Variants in CFTR observed in about 807,000 individuals in gnomAD.
The protein encoded by CFTR is cystic fibrosis transmembrane conductance regulator.
Under a neutral mutation model 171.6 loss-of-function variants are expected in CFTR, and 181 were observed. The ratio of observed to expected loss-of-function variants is 1.05; its 90% confidence interval spans 0.93 to 1.19. The LOEUF (loss-of-function observed/expected upper bound fraction) is 1.19. Ranked by LOEUF, CFTR falls within the 50% of genes most tolerant of loss-of-function variation. The probability of loss-of-function intolerance (pLI) is 0.00; values close to 1 mark genes in which losing one functional copy is unlikely to be tolerated. For missense variants in CFTR, 1,968 were observed against 1,734.7 expected (o/e 1.13, Z -2.39); for synonymous variants, 583 against 608.0 (o/e 0.96, Z 0.60).
At chr7:117,544,583 A>G (rs35250799) in intron 9 of CFTR, among the ~76,000 whole-genome samples, 13 of 152,220 alleles carry the variant, frequency 8.5e-5, no homozygotes, top group Admixed American at 8.5e-4. Context: ...CCCTTGTCTG[A>G]ACTACTCTAT....
At chr7:117,515,348 CA>C (rs1399040164) in intron 3 of CFTR, among the ~76,000 whole-genome samples, 1 of 152,190 alleles carries the variant, frequency 6.6e-6, no homozygotes, top group East Asian at 1.9e-4. Flanking sequence ...GGAAGGGGTC[CA>C]GTTTCAGTTT....
chr7:117,513,692 A>G (rs1257950558), intron 3 of CFTR, among the ~76,000 whole-genome samples: 8 of 152,192 alleles, frequency 5.3e-5, no homozygotes, highest in African/African-American at 1.9e-4. Context: ...TGATTTATGT[A>G]TATCTCTTCC....
chr7:117,615,614 G>T (rs996563804), intron 21 of CFTR, among the ~76,000 whole-genome samples: 1 of 151,514 alleles, frequency 6.6e-6, no homozygotes, highest in Admixed American at 6.6e-5. Flanking sequence ...TGTGTACAAA[G>T]ACCACATTTT....
At chr7:117,546,064 G>T (rs1054594640) in intron 9 of CFTR, among the ~76,000 whole-genome samples, 1 of 151,886 alleles carries the variant, frequency 6.6e-6, no homozygotes, top group African/African-American at 2.4e-5. Context: ...TGCGATCTTG[G>T]CTCACTGGAA....
At chr7:117,554,205 T>A (rs879348512) in intron 10 of CFTR, among the ~76,000 whole-genome samples, 13 of 152,128 alleles carry the variant, frequency 8.5e-5, no homozygotes, top group Non-Finnish European at 1.6e-4. Context: ...TAGGAGTCTA[T>A]TGTGCCAGTT....
intron 11 of CFTR, among the ~76,000 whole-genome samples, chr7:117,585,483 C>T (rs1248153937): frequency 6.6e-6 from 1 of 152,036 alleles, no homozygotes; most frequent in African/African-American, 2.4e-5. Context: ...CAATGGAAAA[C>T]TGTAATAATT....
At position 117,536,671 on chromosome 7, in the gene CFTR, A is replaced by G. The variant is rs1798963965; in HGVS notation, c.867A>G (p.Arg289=). ...TGGAAAAAATGATTGAAAACTTAAG[A>G]CAGTAAGTTGTTCCAATAATTTCAA... The part of the protein sequence containing the change: ...EAMEKMIENL[R]QTELKLTRKA... Residue 289 remains arginine (R), a splice_region_variant and synonymous_variant, in exon 7 of 27, where the codon AGA becomes AGG. Transcript: ENST00000003084. The G allele has an allele frequency of 1.2e-6, 2 of 1,609,798 alleles. No homozygotes were observed. The highest frequency in any genetic ancestry group is 1.7e-6 in the Non-Finnish European group (2 of 1,177,812).
chr7:117,491,168 C>T (rs1798154316), intron 1 of CFTR, among the ~76,000 whole-genome samples: 1 of 152,020 alleles, frequency 6.6e-6, no homozygotes, highest in African/African-American at 2.4e-5. Context: ...GCAGTTGTGA[C>T]ACAGTGGTAT....
rs754314933 is a variant in CFTR, at chr7:117,664,670, T to C, written c.3964-18T>C. 14 of 1,611,898 alleles carry C rather than the reference T, an allele frequency of 8.7e-6. No homozygotes were observed. In the South Asian group the frequency reaches 1.1e-4, roughly 13 times the overall value. On this transcript the variant is annotated intron_variant, in intron 24 of 26. Coordinates refer to ENST00000003084, the MANE Select transcript of CFTR (RefSeq NM_000492.4). ...GTTTTTAACTCTGTGGTATCTGAAC[T>C]ATCTTCTCTAACTGCAGGTTGGGCT...
At chr7:117,548,492 A>G in intron 9 of CFTR, 149 bp from the exon 10 acceptor site, 1 of 1,410,644 alleles carries the variant, frequency 7.1e-7, no homozygotes, top group Non-Finnish European at 9.5e-7. Context: ...ATTATGTACT[A>G]TAAAGTAATA....
intron 20 of CFTR, among the ~76,000 whole-genome samples, chr7:117,612,043 A>ATATATATATATATATG (rs1792412030): frequency 5.5e-5 from 4 of 72,234 alleles, no homozygotes; most frequent in Non-Finnish European, 1.1e-4. Flanking sequence ...ATATATATAT[A>ATATATATATATATATG]TATATATATA....
At chr7:117,606,519 A>G (rs1222085487) in intron 17 of CFTR, among the ~76,000 whole-genome samples, 155 bp from the exon 18 acceptor site, 1 of 152,220 alleles carries the variant, frequency 6.6e-6, no homozygotes, top group Non-Finnish European at 1.5e-5. Context: ...ATGTTTGGAA[A>G]GAAACAAAAA....
chr7:117,586,299 A>G (rs1791933141), intron 11 of CFTR: 3 of 152,142 alleles, frequency 2.0e-5, no homozygotes, highest in Non-Finnish European at 4.4e-5. Flanking sequence ...TCTCATAAGC[A>G]GTGCTTATGG....
intron 21 of CFTR, among the ~76,000 whole-genome samples, chr7:117,624,218 G>A (rs533019775): frequency 1.3e-5 from 2 of 152,146 alleles, no homozygotes; most frequent in Non-Finnish European, 2.9e-5. Context: ...TCTAAGTGGA[G>A]TTTACAGAAT....
At position 117,591,958 on chromosome 7, in the gene CFTR, C is replaced by G. The variant is rs186147668; in HGVS notation, c.1791C>G (p.Asn597Lys). The G allele has an allele frequency of 2.5e-6, 4 of 1,590,922 alleles. No individual in the cohort carries two copies. Among genetic ancestry groups the G allele is most frequent in the Non-Finnish European group, 2.6e-6 (3 of 1,171,874 alleles). ...FESCVCKLMA[N>K]KTRILVTSKM... ...GCTGTGTCTGTAAACTGATGGCTAA[C>G]AAAACTAGGATTTTGGTCACTTCTA... The change falls in exon 14 of 27, where the codon AAC (asparagine) becomes AAG (lysine). Residue 597 changes from asparagine (N) to lysine (K), a missense_variant. Transcript: ENST00000003084.
chr7:117,518,588 A>ATATATATATATATATATATG (rs1485856686), intron 3 of CFTR, among the ~76,000 whole-genome samples: 9 of 147,322 alleles, frequency 6.1e-5, no homozygotes, highest in African/African-American at 2.0e-4. Context: ...ATATATATAT[A>ATATATATATATATATATATG]TGTGTGTTTT....
intron 22 of CFTR, among the ~76,000 whole-genome samples, chr7:117,642,041 A>G (rs1792922974): frequency 6.6e-6 from 1 of 152,220 alleles, no homozygotes; most frequent in Non-Finnish European, 1.5e-5. Flanking sequence ...AGTCGTATCC[A>G]CTTTGGGTAC....
chr7:117,503,626 C>T (rs962750971), intron 1 of CFTR, among the ~76,000 whole-genome samples: 3 of 152,108 alleles, frequency 2.0e-5, no homozygotes, highest in Non-Finnish European at 4.4e-5. Context: ...GCCTAGAGGG[C>T]AGATGAGTGT....
intron 8 of CFTR, among the ~76,000 whole-genome samples, chr7:117,541,097 C>T (rs879358011): frequency 1.3e-5 from 2 of 152,168 alleles, no homozygotes; most frequent in South Asian, 2.1e-4. Context: ...TTCTCAGTCC[C>T]ATTCCTTCAT....
Sources: gnomAD v4.1 joint callset for allele counts (sites outside exome capture counted in the v4.1 genomes callset) on GRCh38, gnomAD v4.1.1 for gene constraint, MANE v1.5 for transcripts, NCBI Gene and HGNC (gene_info 2026-07-23, HGNC 2026-07-21) for gene names.